The following ULK4 variants were observed in gnomAD, a reference collection of about 807,000 sequenced individuals.
The protein encoded by ULK4 is unc-51 like kinase 4.
In ULK4, 133 loss-of-function variants were observed where a neutral mutation model predicts 160.6. That is an observed-to-expected ratio of 0.83 (90% CI 0.72 to 0.96). The LOEUF is 0.96. ULK4 is among the 40% of genes least tolerant of loss of function. The probability of loss-of-function intolerance (pLI) is 0.00; values close to 1 mark genes in which losing one functional copy is unlikely to be tolerated. For synonymous variants in ULK4, 534 were observed against 539.8 expected (o/e 0.99, Z 0.15); for missense variants, 1,580 against 1,499.5 (o/e 1.05, Z -0.89).
At position 41,800,297 on chromosome 3, in the gene ULK4, TAGAG is replaced by T; in HGVS notation, c.1849-8_1849-5del. 1 of 1,604,152 alleles carries T rather than the reference TAGAG, an allele frequency of 6.2e-7. No homozygotes were observed. On this transcript the variant is annotated splice_polypyrimidine_tract_variant and splice_region_variant and intron_variant, in intron 19 of 36. Coordinates refer to ENST00000301831, the MANE Select transcript of ULK4 (RefSeq NM_017886.4). The stretch of plus-strand genomic sequence containing the variant: ...TGTGATTCACAACACGCTCTTCCTA[TAGAG>T]AAAGGAGATTAAAATAATATTAGTG...
intron 21 of ULK4, among the ~76,000 whole-genome samples, chr3:41,762,949 C>T (rs1295095216): frequency 6.6e-6 from 1 of 152,132 alleles, no homozygotes; most frequent in East Asian, 1.9e-4. Flanking sequence ...AGGCGTGAGC[C>T]ACTGTGCCTG....
At chr3:41,652,575 C>G (rs1257363294) in intron 30 of ULK4, among the ~76,000 whole-genome samples, 1 of 152,128 alleles carries the variant, frequency 6.6e-6, no homozygotes, top group African/African-American at 2.4e-5. Context: ...AAAGAAGAGG[C>G]TGAACTGAAC....
rs538424631 is a variant in ULK4, at chr3:41,527,693, G to A, written c.3226+38332C>T. Among the ~76,000 whole-genome samples, 3 of 152,218 alleles carry A rather than the reference G, an allele frequency of 2.0e-5. No homozygotes were observed. The South Asian group carries it at 6.2e-4, about 32-fold the overall frequency. On this transcript the variant is annotated intron_variant, in intron 32 of 36. Coordinates refer to ENST00000301831, the MANE Select transcript of ULK4 (RefSeq NM_017886.4). ...GCACCTTCCTATCTACTATTTCATT[G>A]TATCCTCACAATAATACCTTTTCAT...
rs549686563 is a variant in ULK4, at chr3:41,924,315, T to C, written c.542-4497A>G. ...AAAACAGAAGTGGTTTTACACTCTA[T>C]TTTTATCTTAATGCCACAGGGATGT... On this transcript the variant is annotated intron_variant, in intron 5 of 36. Coordinates refer to ENST00000301831, the MANE Select transcript of ULK4 (RefSeq NM_017886.4). Among the ~76,000 whole-genome samples, 9 of 152,306 alleles carry C rather than the reference T, an allele frequency of 5.9e-5. No homozygotes were observed. In the South Asian group the frequency reaches 1.5e-3, roughly 25 times the overall value.
At chr3:41,953,917 C>T (rs1458260438) in intron 2 of ULK4, among the ~76,000 whole-genome samples, 1 of 151,974 alleles carries the variant, frequency 6.6e-6, no homozygotes, top group African/African-American at 2.4e-5. Context: ...GGCGCGGTGG[C>T]TCACACCTGT....
At chr3:41,879,620 G>A (rs1276734626) in intron 17 of ULK4, among the ~76,000 whole-genome samples, 1 of 152,020 alleles carries the variant, frequency 6.6e-6, no homozygotes, top group Non-Finnish European at 1.5e-5. Context: ...GAGTAGCTGG[G>A]ACCACAGACG....
At chr3:41,725,283 T>G (rs1312689996) in intron 22 of ULK4, among the ~76,000 whole-genome samples, 1 of 152,230 alleles carries the variant, frequency 6.6e-6, no homozygotes, top group Non-Finnish European at 1.5e-5. Flanking sequence ...TATTGATCTT[T>G]GGTACAGTAC....
At chr3:41,660,640 C>T (rs1007172194) in intron 30 of ULK4, among the ~76,000 whole-genome samples, 2 of 152,222 alleles carry the variant, frequency 1.3e-5, no homozygotes, top group Admixed American at 1.3e-4. Flanking sequence ...TTGCTAGGAC[C>T]TCCCTTTGAA....
chr3:41,607,709 A>G (rs1332295025), intron 31 of ULK4, among the ~76,000 whole-genome samples: 2 of 152,206 alleles, frequency 1.3e-5, no homozygotes, highest in African/African-American at 2.4e-5. Context: ...AGCATCCATC[A>G]GTGGAGACTG....
At chr3:41,674,963 C>T (rs149172238) in intron 29 of ULK4, among the ~76,000 whole-genome samples, 171 of 152,200 alleles carry the variant, frequency 1.1e-3, no homozygotes, top group African/African-American at 3.9e-3. Flanking sequence ...TTCTAGCAGC[C>T]GGGCATGGTG....
At chr3:41,730,521 A>G (rs1036095081) in intron 22 of ULK4, among the ~76,000 whole-genome samples, 2 of 152,172 alleles carry the variant, frequency 1.3e-5, no homozygotes, top group African/African-American at 4.8e-5. Flanking sequence ...AAATCTATCA[A>G]AAATGGACAA....
intron 22 of ULK4, among the ~76,000 whole-genome samples, chr3:41,731,089 GA>G (rs1222748008): frequency 1.3e-5 from 2 of 149,724 alleles, no homozygotes; most frequent in African/African-American, 4.9e-5. Flanking sequence ...ACCTGAATAG[GA>G]AAAAAAATAA....
At chr3:41,798,247 T>A (rs1239287119) in intron 20 of ULK4, among the ~76,000 whole-genome samples, 2 of 152,190 alleles carry the variant, frequency 1.3e-5, no homozygotes, top group Non-Finnish European at 2.9e-5. Context: ...CTTTATAAAG[T>A]AAGCCCAATT....
intron 34 of ULK4, among the ~76,000 whole-genome samples, chr3:41,410,752 G>C (rs1006189149): frequency 1.3e-5 from 2 of 152,168 alleles, no homozygotes; most frequent in Non-Finnish European, 2.9e-5. Flanking sequence ...CATTCTCTGA[G>C]TTCAACATTG....
chr3:41,302,061 A>G (rs564346375), intron 35 of ULK4, among the ~76,000 whole-genome samples: 3 of 152,342 alleles, frequency 2.0e-5, no homozygotes, highest in Non-Finnish European at 4.4e-5. Context: ...GCTCTCAGGA[A>G]AAACTACTTA....
chr3:41,650,414 T>C (rs1000896544), intron 30 of ULK4, among the ~76,000 whole-genome samples: 2 of 152,188 alleles, frequency 1.3e-5, no homozygotes, highest in African/African-American at 2.4e-5. Context: ...GATACCCTCC[T>C]TGGGGCTCTG....
chr3:41,313,992 G>A (rs1346250703), intron 35 of ULK4, among the ~76,000 whole-genome samples: 1 of 152,118 alleles, frequency 6.6e-6, no homozygotes, highest in Non-Finnish European at 1.5e-5. Context: ...AGCAGGTCAT[G>A]TACAAGGGTT....
chr3:41,740,475 T>C (rs1036885873), intron 22 of ULK4, among the ~76,000 whole-genome samples: 3 of 151,850 alleles, frequency 2.0e-5, no homozygotes, highest in East Asian at 3.9e-4. Context: ...TCGCCTGTCA[T>C]AGTAATATGA....
chr3:41,481,826 C>CAAAAAAAA (rs71616009), intron 32 of ULK4, among the ~76,000 whole-genome samples: 12 of 66,688 alleles, frequency 1.8e-4, no homozygotes, highest in Admixed American at 3.1e-4. Context: ...GACTCCGTCT[C>CAAAAAAAA]AAAAAAAAAA....
Sources: allele counts gnomAD v4.1 joint callset (sites outside exome capture counted in the v4.1 genomes callset), GRCh38; gene constraint gnomAD v4.1.1; transcripts MANE v1.5; gene names NCBI Gene and HGNC (gene_info 2026-07-23, HGNC 2026-07-21).